XKR6: variants seen among roughly 807,000 people sequenced by gnomAD.
XKR6 encodes the protein XK related 6.
In XKR6, 22 loss-of-function variants were observed where a neutral mutation model predicts 56.7. The observed-to-expected ratio is 0.39, with a 90% confidence interval of 0.28 to 0.55. XKR6 has a LOEUF of 0.55. Ranked by LOEUF, XKR6 falls within the 20% of genes least tolerant of loss-of-function variation. The probability of loss-of-function intolerance (pLI) is 0.66; values close to 1 mark genes in which losing one functional copy is unlikely to be tolerated. For synonymous variants in XKR6, 524 were observed against 387.8 expected (o/e 1.35, Z -4.13); for missense variants, 852 against 889.0 (o/e 0.96, Z 0.53).
rs61428977 is a variant in XKR6, at chr8:10,932,042, A to G, written c.765-7212T>C. On this transcript the variant is annotated intron_variant, in intron 1 of 2. Coordinates refer to ENST00000416569, the MANE Select transcript of XKR6 (RefSeq NM_173683.4). ...TTAAATGGGCACAAGATTTGAACAG[A>G]TATTTTACCAAAGAGGATACACAAT... Among the ~76,000 whole-genome samples the G allele has an allele frequency of 8.5e-3, 1,301 of 152,358 alleles. 25 individuals are homozygous for G. The highest frequency in any genetic ancestry group is 0.029 in the African/African-American group (1,208 of 41,582).
At chr8:10,926,762 C>T (rs535119534) in intron 1 of XKR6, among the ~76,000 whole-genome samples, 2 of 152,386 alleles carry the variant, frequency 1.3e-5, no homozygotes, top group South Asian at 4.1e-4. Flanking sequence ...GTTCTGCCAC[C>T]TGCTGACTGT....
chr8:10,900,119 T>G (rs1799994346), intron 2 of XKR6, among the ~76,000 whole-genome samples: 1 of 152,212 alleles, frequency 6.6e-6, no homozygotes, highest in Non-Finnish European at 1.5e-5. Context: ...GGCCGAATGC[T>G]GTCCCACTGG....
chr8:11,014,279 G>A (rs1798567131), intron 1 of XKR6, among the ~76,000 whole-genome samples: 1 of 152,122 alleles, frequency 6.6e-6, no homozygotes, highest in South Asian at 2.1e-4. Flanking sequence ...GGAGTGTAGC[G>A]GCCCTTAGCG....
At chr8:10,943,094 T>A (rs1801433854) in intron 1 of XKR6, among the ~76,000 whole-genome samples, 1 of 152,194 alleles carries the variant, frequency 6.6e-6, no homozygotes, top group Admixed American at 6.5e-5. Flanking sequence ...CTGCCTGCCA[T>A]TCACTCTGCC....
At chr8:10,962,541 T>A (rs537938633) in intron 1 of XKR6, among the ~76,000 whole-genome samples, 1 of 152,346 alleles carries the variant, frequency 6.6e-6, no homozygotes, top group East Asian at 1.9e-4. Flanking sequence ...TGTAAGGAAG[T>A]TCCAACTTTT....
At chr8:10,960,086 T>C (rs1802015423) in intron 1 of XKR6, among the ~76,000 whole-genome samples, 1 of 152,230 alleles carries the variant, frequency 6.6e-6, no homozygotes, top group African/African-American at 2.4e-5. Flanking sequence ...TGACTCAGTC[T>C]TCAAACTGCC....
intron 1 of XKR6, among the ~76,000 whole-genome samples, chr8:11,044,882 T>C (rs1257116319): frequency 6.6e-6 from 1 of 151,954 alleles, no homozygotes; most frequent in African/African-American, 2.4e-5. Flanking sequence ...CCTCCCAAAG[T>C]GCTGGGATTA....
At chr8:10,945,656 C>G (rs137887120) in intron 1 of XKR6, among the ~76,000 whole-genome samples, 2 of 152,162 alleles carry the variant, frequency 1.3e-5, no homozygotes, top group African/African-American at 2.4e-5. Flanking sequence ...CTGGTACTTA[C>G]GGGCATTTGA....
At chr8:10,980,735 C>T (rs951646555) in intron 1 of XKR6, among the ~76,000 whole-genome samples, 1 of 152,136 alleles carries the variant, frequency 6.6e-6, no homozygotes, top group Non-Finnish European at 1.5e-5. Flanking sequence ...GATTGTGATA[C>T]CTATCTATCG....
intron 1 of XKR6, among the ~76,000 whole-genome samples, chr8:11,039,210 T>A (rs1241727978): frequency 1.3e-5 from 2 of 152,226 alleles, no homozygotes; most frequent in East Asian, 3.8e-4. Context: ...CCAGCCAATG[T>A]ACTGAAGTCA....
intron 1 of XKR6, among the ~76,000 whole-genome samples, chr8:11,125,531 C>A (rs1022310277): frequency 1.3e-5 from 2 of 152,134 alleles, no homozygotes; most frequent in Non-Finnish European, 2.9e-5. Flanking sequence ...AGGGCCATAA[C>A]GGAGATGATG....
At chr8:10,923,819 C>G (rs1017913065) in intron 2 of XKR6, among the ~76,000 whole-genome samples, 3 of 152,168 alleles carry the variant, frequency 2.0e-5, no homozygotes, top group African/African-American at 7.2e-5. Flanking sequence ...ACGGCAGACC[C>G]CTCCTCATGG....
chr8:11,178,834 TC>T lies in XKR6; in HGVS notation c.764+21741del, dbSNP rs1459782080. On this transcript the variant is annotated intron_variant, in intron 1 of 2. Transcript: ENST00000416569. ...GCTAAAATATCAAGTGAACTCTTCT[TC>T]CCTTTTTTCTTTTTTTTAGAGACAG... 7.5e-4 allele frequency among the ~76,000 whole-genome samples: 113 copies of T among 151,032 alleles called. 1 individual carries two copies. The Middle Eastern group carries it at 0.01, about 14-fold the overall frequency.
At chr8:10,960,134 G>T (rs577476308) in intron 1 of XKR6, among the ~76,000 whole-genome samples, 36 of 152,290 alleles carry the variant, frequency 2.4e-4, no homozygotes, top group African/African-American at 8.4e-4. Flanking sequence ...AACATAAAAA[G>T]GTCTTTTCCT....
chr8:11,137,277 G>A (rs1800451052), intron 1 of XKR6: 2 of 265,044 alleles, frequency 7.5e-6, no homozygotes, highest in Non-Finnish European at 1.5e-5. Context: ...TACTAAAGCA[G>A]TGCTTTAAGT....
intron 1 of XKR6, among the ~76,000 whole-genome samples, chr8:10,957,875 A>G (rs1801943066): frequency 6.6e-6 from 1 of 152,216 alleles, no homozygotes; most frequent in Non-Finnish European, 1.5e-5. Context: ...ACAATATCGA[A>G]TCTAAAAATG....
chr8:11,087,708 T>TA (rs1214006341), intron 1 of XKR6, among the ~76,000 whole-genome samples: 2 of 152,176 alleles, frequency 1.3e-5, no homozygotes, highest in Non-Finnish European at 2.9e-5. Flanking sequence ...GCTACTGAAT[T>TA]AGCTAATCCT....
intron 1 of XKR6, among the ~76,000 whole-genome samples, chr8:10,947,333 G>A (rs7000276): frequency 0.33 from 50,811 of 152,054 alleles, 9,039 homozygotes; most frequent in Non-Finnish European, 0.4. Context: ...CCTGGGGAAC[G>A]TCCAGGCCAG....
chr8:11,014,007 C>T (rs114213564), intron 1 of XKR6, among the ~76,000 whole-genome samples: 253 of 152,350 alleles, frequency 1.7e-3, no homozygotes, highest in African/African-American at 5.9e-3. Context: ...TGCCTTTACT[C>T]GCACGGCAGA....
Sources: allele counts gnomAD v4.1 joint callset (sites outside exome capture counted in the v4.1 genomes callset), GRCh38; gene constraint gnomAD v4.1.1; transcripts MANE v1.5; gene names NCBI Gene and HGNC (gene_info 2026-07-23, HGNC 2026-07-21).